The following NIPBL variants were observed in gnomAD, a reference collection of about 807,000 sequenced individuals.
NIPBL encodes nipped-B-like protein.
A neutral mutation model predicts 321.8 loss-of-function variants in NIPBL; 19 were observed. The observed-to-expected ratio is 0.06, with a 90% CI of 0.04 to 0.09. NIPBL has a LOEUF of 0.09. Among genes scored for constraint, NIPBL ranks in the 10% least tolerant of loss-of-function variants. The pLI, the probability that NIPBL is intolerant of heterozygous loss-of-function variation, is 1.00. For missense variants in NIPBL, 2,210 were observed against 3,327.0 expected, an observed-to-expected ratio of 0.66 and a Z score of 8.26; for synonymous variants, 1,106 against 1,114.1, an observed-to-expected ratio of 0.99 and a Z score of 0.14.
intron 9 of NIPBL, chr5:36,982,237 A>G (rs1215077145): frequency 1.0e-6 from 1 of 978,428 alleles, no homozygotes; most frequent in Non-Finnish European, 1.2e-6. Flanking sequence ...TCACTGTCCT[A>G]AATACCAAAA....
intron 3 of NIPBL, among the ~76,000 whole-genome samples, chr5:36,956,367 CTTTA>C (rs1740947244): frequency 6.6e-6 from 1 of 152,038 alleles, no homozygotes; most frequent in Non-Finnish European, 1.5e-5. Context: ...ACCTCGCATT[CTTTA>C]TTTTTTTAAT....
intron 27 of NIPBL, among the ~76,000 whole-genome samples, 179 bp downstream of exon 27, chr5:37,021,056 T>C (rs1367236488): frequency 6.6e-6 from 1 of 152,252 alleles, no homozygotes; most frequent in Non-Finnish European, 1.5e-5. Flanking sequence ...CCCAACACTT[T>C]GGGAAGCCAA....
chr5:37,058,897 G>A lies in NIPBL; in HGVS notation c.7417G>A (p.Val2473Ile), dbSNP rs750525831. ...AAACGATTTTTTCTTTCAGTCTATG[G>A]TAAAGGACAAAAGGAAAGAGAGAAA... ...NLLQSFKESM[V>I]KDKRKERKSS... Residue 2473 changes from valine (V) to isoleucine (I), a missense_variant, in exon 44 of 47, where the codon GTA (valine) becomes ATA (isoleucine). By Grantham distance (29) the Val-to-Ile change is conservative. Around this residue, in one of 14 missense-constraint regions of NIPBL, gnomAD observed 79 missense variants for 90.8 expected, o/e 0.87. Coordinates refer to ENST00000282516, the MANE Select transcript of NIPBL (RefSeq NM_133433.4). 4 of 1,613,804 alleles carry A rather than the reference G, an allele frequency of 2.5e-6. No homozygotes were observed. Among genetic ancestry groups the A allele is most frequent in the South Asian group, 2.2e-5 (2 of 91,042 alleles).
intron 11 of NIPBL, among the ~76,000 whole-genome samples, chr5:36,997,528 C>T (rs547767372): frequency 2.4e-4 from 37 of 152,204 alleles, no homozygotes; most frequent in African/African-American, 7.7e-4. Flanking sequence ...CACATAGCTT[C>T]GTTATAAAGC....
intron 42 of NIPBL, among the ~76,000 whole-genome samples, chr5:37,056,382 TC>T (rs955822264): frequency 7.9e-5 from 12 of 152,170 alleles, no homozygotes; most frequent in African/African-American, 2.9e-4. Flanking sequence ...GCTTTTTTTT[TC>T]CTTGAGCTAT....
chr5:36,953,482 G>A, intron 1 of NIPBL, 136 bp from the exon 2 acceptor site: 1 of 591,612 alleles, frequency 1.7e-6, no homozygotes, highest in Non-Finnish European at 3.0e-6. Context: ...CATGTAATAA[G>A]TGGTATGTGA....
chr5:36,980,461 C>T (rs1387861371), intron 9 of NIPBL, among the ~76,000 whole-genome samples: 1 of 151,650 alleles, frequency 6.6e-6, no homozygotes, highest in Admixed American at 6.6e-5. Context: ...TTTCATTTCA[C>T]ACCAGACTTT....
chr5:36,876,823 TCCCCCCGCCCTCC>T lies in NIPBL; in HGVS notation c.-428_-416del, dbSNP rs1745087002. On this transcript the variant is annotated 5_prime_UTR_variant, in exon 1 of 47. Transcript: ENST00000282516. Reference sequence around the variant, plus strand: ...AGAGAGAGACACACACAGGGCTCCTTCCCCCCGCCCTCCCCCCCCTCCCTCCGTCGGTACCGAC... The same window carrying T: ...AGAGAGAGACACACACAGGGCTCCTTCCCCCCTCCCTCCGTCGGTACCGAC... The T allele has an allele frequency of 8.5e-6, 3 of 353,078 alleles. No homozygotes were observed. The highest frequency in any genetic ancestry group is 1.5e-5 in the Non-Finnish European group (3 of 204,240). 21.9% of individuals were successfully genotyped at this position (353,078 alleles called of 1,614,324 possible).
At chr5:37,044,987 T>G (rs1178555921) in intron 36 of NIPBL, among the ~76,000 whole-genome samples, 1 of 152,098 alleles carries the variant, frequency 6.6e-6, no homozygotes, top group African/African-American at 2.4e-5. Context: ...AATTTAAATT[T>G]TCTTACATTA....
In NIPBL at chr5:37,023,494, T is replaced by A. The variant is rs535962172; in HGVS notation, c.5575-1091T>A. 2.6e-5 allele frequency among the ~76,000 whole-genome samples: 4 copies of A among 152,248 alleles called. No homozygotes were observed. In the South Asian group the frequency reaches 8.3e-4, roughly 32 times the overall value. On this transcript the variant is annotated intron_variant, in intron 29 of 46. Coordinates refer to ENST00000282516, the MANE Select transcript of NIPBL (RefSeq NM_133433.4). Reference sequence around the variant, plus strand: ...TCATCTGTACTTTCTGCTAAATTATTTTAAGTCAAACATTTTTTACTTCTT... The same window carrying A: ...TCATCTGTACTTTCTGCTAAATTATATTAAGTCAAACATTTTTTACTTCTT...
intron 21 of NIPBL, among the ~76,000 whole-genome samples, chr5:37,012,998 G>T (rs1313426725): frequency 1.3e-5 from 2 of 152,146 alleles, no homozygotes; most frequent in African/African-American, 4.8e-5. Context: ...CCCAGACGGG[G>T]TGGTGGCCGG....
At chr5:36,983,998 C>T (rs975154097) in intron 9 of NIPBL, among the ~76,000 whole-genome samples, 2 of 152,004 alleles carry the variant, frequency 1.3e-5, no homozygotes, top group Non-Finnish European at 2.9e-5. Flanking sequence ...CCTATGAAAT[C>T]TGTTGCTTCC....
chr5:36,982,974 A>G (rs1319392900), intron 9 of NIPBL, among the ~76,000 whole-genome samples: 2 of 151,962 alleles, frequency 1.3e-5, no homozygotes, highest in Non-Finnish European at 2.9e-5. Context: ...GAGTCTTATA[A>G]AAGTTTAAGG....
intron 1 of NIPBL, among the ~76,000 whole-genome samples, chr5:36,904,237 G>A (rs1272157313): frequency 6.6e-6 from 1 of 152,216 alleles, no homozygotes; most frequent in African/African-American, 2.4e-5. Flanking sequence ...TTGGGAGGCC[G>A]AGTTGGGCTG....
At position 36,975,813 on chromosome 5, in the gene NIPBL, A is replaced by G. The variant is rs1240427236; in HGVS notation, c.906A>G (p.Leu302=). The G allele has an allele frequency of 1.2e-6, 2 of 1,613,610 alleles. No individual in the cohort carries two copies. The highest frequency in any genetic ancestry group is 2.2e-5 in the East Asian group (1 of 44,862). ...CTTTAATCCTACAATCTCAGTCTCT[A>G]CCTTGTTCATCACCTCGAGATGTTC... ...RPPLILQSQS[L]PCSSPRDVPP... Residue 302 remains leucine (L), a synonymous_variant, in exon 9 of 47, where the codon CTA becomes CTG. Coordinates refer to ENST00000282516, the MANE Select transcript of NIPBL (RefSeq NM_133433.4).
rs988335122 is a variant in NIPBL, at chr5:36,955,620, G to C, written c.213G>C (p.Gln71His). ...CACAGCTTGTCCATAGCCTCAACCA[G>C]GTATCAACAGATCACATGTAAGTAT... ...LVSQLVHSLNQVSTDHIELKD... is the reference protein window; with the variant it reads ...LVSQLVHSLNHVSTDHIELKD... The change falls in exon 3 of 47, where the codon CAG (glutamine) becomes CAC (histidine). Residue 71 changes from glutamine to histidine, a missense_variant. Around this residue, in one of 14 missense-constraint regions of NIPBL, gnomAD observed 464 missense variants for 529.5 expected, o/e 0.88. Transcript: ENST00000282516. The C allele has an allele frequency of 1.2e-6, 2 of 1,613,750 alleles. No homozygotes were observed. Among genetic ancestry groups the C allele is most frequent in the Non-Finnish European group, 1.7e-6 (2 of 1,179,916 alleles).
chr5:37,016,992 T>A, intron 23 of NIPBL, 27 bp from the exon 24 acceptor site: 2 of 1,452,458 alleles, frequency 1.4e-6, no homozygotes, highest in African/African-American at 1.4e-5. Flanking sequence ...ATAAATCTAT[T>A]CAATCAAAAA....
chr5:36,989,544 A>C (rs911989527), intron 10 of NIPBL, among the ~76,000 whole-genome samples: 6 of 152,212 alleles, frequency 3.9e-5, no homozygotes, highest in Non-Finnish European at 8.8e-5. Flanking sequence ...CTCTAAATTA[A>C]AATAATAAAG....
At chr5:37,043,120 G>A (rs1181276962) in intron 34 of NIPBL, among the ~76,000 whole-genome samples, 1 of 151,954 alleles carries the variant, frequency 6.6e-6, no homozygotes, top group Non-Finnish European at 1.5e-5. Context: ...CCTAGGCTGA[G>A]CATGGTGGCC....
Sources: gnomAD v4.1 joint callset for allele counts (sites outside exome capture counted in the v4.1 genomes callset) on GRCh38, gnomAD v4.1.1 for gene constraint, gnomAD v4.1.1 regional missense constraint, MANE v1.5 for transcripts, NCBI Gene and HGNC (gene_info 2026-07-23, HGNC 2026-07-21) for gene names.